Variants in PIGU observed in about 807,000 individuals in gnomAD.
The protein encoded by PIGU is GPI-anchor transamidase component PIGU.
In PIGU, 24 loss-of-function variants were observed where a neutral mutation model predicts 49.9. The observed-to-expected ratio is 0.48, with a 90% confidence interval of 0.35 to 0.68. The LOEUF is 0.68. Among genes scored for constraint, PIGU ranks in the 30% least tolerant of loss-of-function variants. PIGU has a pLI of 0.01. For missense variants in PIGU, 490 were observed against 532.6 expected (o/e 0.92, Z 0.79); for synonymous variants, 220 against 205.7 (o/e 1.07, Z -0.59).
intron 8 of PIGU, among the ~76,000 whole-genome samples, chr20:34,587,227 G>A (rs1293063372): frequency 6.6e-6 from 1 of 152,160 alleles, no homozygotes; most frequent in African/African-American, 2.4e-5. Flanking sequence ...AAGTCCTGCA[G>A]GTGATTCTGA....
intron 7 of PIGU, among the ~76,000 whole-genome samples, chr20:34,593,444 T>C (rs1046203708): frequency 6.6e-6 from 1 of 151,160 alleles, no homozygotes; most frequent in Admixed American, 6.6e-5. Context: ...AAAAAAATCA[T>C]GAAGGGGGAC....
rs1555802276 is a variant in PIGU at position 34,647,270 on chromosome 20, C to CTAA, written c.196-1937_196-1936insTTA. On this transcript the variant is annotated intron_variant, in intron 2 of 11. Transcript: ENST00000217446. ...ACAAGTGTGAGCCACCGTGCCCGGCCGTTTTTTGTTTGTTTGAGACAGAGT... is the reference window on the plus strand; with the variant it reads ...ACAAGTGTGAGCCACCGTGCCCGGCCTAAGTTTTTTGTTTGTTTGAGACAGAGT... 2.7e-5 allele frequency among the ~76,000 whole-genome samples: 4 copies of CTAA among 149,560 alleles called. No homozygotes were observed. The East Asian group carries it at 6.0e-4, about 22-fold the overall frequency.
intron 7 of PIGU, among the ~76,000 whole-genome samples, chr20:34,594,715 A>G (rs1984123617): frequency 6.6e-6 from 1 of 151,774 alleles, no homozygotes; most frequent in African/African-American, 2.4e-5. Flanking sequence ...TGGAGGTTGC[A>G]GTGAGCCAAG....
chr20:34,621,109 T>G (rs1385948838), intron 6 of PIGU, among the ~76,000 whole-genome samples: 2 of 151,616 alleles, frequency 1.3e-5, no homozygotes, highest in African/African-American at 4.8e-5. Context: ...TCTCTCCCCA[T>G]TTCTCTGTGA....
Position 34,562,714 on chromosome 20 carries a change from G to A in PIGU, c.1195-1735C>T, listed in dbSNP as rs547542984. The A allele has an allele frequency of 2.8e-5, 15 of 530,760 alleles. No homozygotes were observed. In the African/African-American group the frequency reaches 2.9e-4, roughly 10 times the overall value. The allele number at this position is 530,760 out of a possible 1,614,324, so 32.9% of individuals were successfully genotyped here. A position where few individuals can be genotyped will look rare whatever the true frequency, so the allele number is the denominator to read the frequency against. ...TGCCTGGGGCCCAGATCACTGATGA[G>A]CACGAGATTGGTCACAGCGTCAGCA... On this transcript the variant is annotated intron_variant, in intron 11 of 11. Coordinates refer to ENST00000217446, the MANE Select transcript of PIGU (RefSeq NM_080476.5).
intron 7 of PIGU, among the ~76,000 whole-genome samples, chr20:34,602,575 C>T (rs4911433): frequency 0.37 from 55,848 of 151,706 alleles, 10,641 homozygotes; most frequent in Admixed American, 0.54. Flanking sequence ...CCAGCCTGGG[C>T]GACACAGCAA....
chr20:34,576,856 C>T (rs1983255812), intron 10 of PIGU, among the ~76,000 whole-genome samples: 1 of 152,312 alleles, frequency 6.6e-6, no homozygotes, highest in Middle Eastern at 3.4e-3. Flanking sequence ...ATTCCCCCCA[C>T]CTCCACCTCT....
chr20:34,592,908 C>T (rs115970641), intron 7 of PIGU, among the ~76,000 whole-genome samples: 2,092 of 152,142 alleles, frequency 0.014, 53 homozygotes, highest in African/African-American at 0.048. Context: ...GAAAAATCAA[C>T]ATATTTACAT....
chr20:34,632,096 C>T (rs1204910835), intron 6 of PIGU, among the ~76,000 whole-genome samples: 1 of 151,632 alleles, frequency 6.6e-6, no homozygotes, highest in Non-Finnish European at 1.5e-5. Context: ...CTGCTTCAGC[C>T]TCCCAAAGTG....
chr20:34,582,032 G>A (rs561580574), intron 9 of PIGU, among the ~76,000 whole-genome samples: 13 of 152,296 alleles, frequency 8.5e-5, no homozygotes, highest in African/African-American at 3.1e-4. Context: ...ATGACTGCTT[G>A]GCAGGATAAT....
At chr20:34,671,059 C>G (rs932871525) in intron 1 of PIGU, among the ~76,000 whole-genome samples, 2 of 152,176 alleles carry the variant, frequency 1.3e-5, no homozygotes, top group African/African-American at 4.8e-5. Context: ...CTAAAGATTG[C>G]TAGCTCTTCA....
At chr20:34,610,803 C>T (rs1044656686) in intron 7 of PIGU, among the ~76,000 whole-genome samples, 7 of 152,248 alleles carry the variant, frequency 4.6e-5, no homozygotes, top group Non-Finnish European at 1.0e-4. Flanking sequence ...TGACTTCAAA[C>T]GATACTGCAA....
intron 6 of PIGU, among the ~76,000 whole-genome samples, chr20:34,620,736 G>A (rs372251819): frequency 2.4e-4 from 37 of 151,292 alleles, no homozygotes; most frequent in Middle Eastern, 3.4e-3. Context: ...GCGTGAACCC[G>A]GGAGGCAGAG....
intron 10 of PIGU, among the ~76,000 whole-genome samples, chr20:34,576,240 T>C (rs1331563031): frequency 6.6e-6 from 1 of 152,030 alleles, no homozygotes; most frequent in East Asian, 1.9e-4. Flanking sequence ...AAATAAAAAA[T>C]GTTTAAAAAT....
intron 7 of PIGU, among the ~76,000 whole-genome samples, chr20:34,597,407 T>C (rs1430679434): frequency 6.6e-6 from 1 of 152,252 alleles, no homozygotes; most frequent in Admixed American, 6.5e-5. Flanking sequence ...TATGATGTTT[T>C]AGAATAGGCC....
At chr20:34,609,686 T>C (rs1042300228) in intron 7 of PIGU, among the ~76,000 whole-genome samples, 1 of 152,046 alleles carries the variant, frequency 6.6e-6, no homozygotes, top group African/African-American at 2.4e-5. Flanking sequence ...TTTAAACAGA[T>C]GGTTTTGTTT....
intron 4 of PIGU, among the ~76,000 whole-genome samples, chr20:34,639,066 C>T (rs918395759): frequency 3.3e-5 from 5 of 152,106 alleles, no homozygotes; most frequent in Admixed American, 1.3e-4. Flanking sequence ...AAATATACTG[C>T]ATTGTGACAT....
intron 1 of PIGU, among the ~76,000 whole-genome samples, chr20:34,659,252 G>T (rs1439943557): frequency 1.3e-4 from 14 of 106,814 alleles, no homozygotes; most frequent in African/African-American, 4.1e-4. Flanking sequence ...GGAGGGAGGT[G>T]GGGGGGTCAG....
chr20:34,583,938 A>T (rs1600599380), intron 9 of PIGU, among the ~76,000 whole-genome samples: 1 of 151,888 alleles, frequency 6.6e-6, no homozygotes, highest in African/African-American at 2.4e-5. Context: ...CCTAAATCAA[A>T]CTCTTTCAGG....
Sources: gnomAD v4.1 joint callset for allele counts (sites outside exome capture counted in the v4.1 genomes callset) on GRCh38, gnomAD v4.1.1 for gene constraint, MANE v1.5 for transcripts, NCBI Gene and HGNC (gene_info 2026-07-23, HGNC 2026-07-21) for gene names.